PTPRN2: variants seen among roughly 807,000 people sequenced by gnomAD.
The protein encoded by PTPRN2 is protein tyrosine phosphatase receptor type N2.
Under a neutral mutation model 118.8 loss-of-function variants are expected in PTPRN2, and 74 were observed. The observed-to-expected ratio is 0.62, with a 90% CI of 0.52 to 0.76. PTPRN2 has a LOEUF of 0.76. Ranked by LOEUF, PTPRN2 falls within the 30% of genes least tolerant of loss-of-function variation. The pLI, the probability that PTPRN2 is intolerant of heterozygous loss-of-function variation, is 0.00. For missense variants in PTPRN2, 1,481 were observed against 1,394.4 expected (o/e 1.06, Z -0.99); for synonymous variants, 641 against 608.0 (o/e 1.05, Z -0.80).
At chr7:157,570,190 A>T (rs1019428842) in intron 20 of PTPRN2, among the ~76,000 whole-genome samples, 2 of 152,268 alleles carry the variant, frequency 1.3e-5, no homozygotes, top group African/African-American at 4.8e-5. Context: ...GCTCATTTCA[A>T]AGGGCCACGG....
At position 157,815,335 on chromosome 7, in the gene PTPRN2, G is replaced by C. The variant is rs558350533; in HGVS notation, c.1788+83338C>G. 2.0e-4 allele frequency among the ~76,000 whole-genome samples: 31 copies of C among 152,250 alleles called. 2 individuals carry two copies. Among genetic ancestry groups the C allele is most frequent in the African/African-American group, 2.4e-5 (1 of 41,468 alleles). ...CTCCCATGGCCGTGGCCTCTTCCTC[G>C]GTCCTTTGCCCTCCAGGGTGCCAGG... is the stretch of plus-strand genomic sequence containing the variant. On this transcript the variant is annotated intron_variant, in intron 12 of 22. Transcript: ENST00000389418.
chr7:157,621,176 C>G (rs554002403), intron 15 of PTPRN2, among the ~76,000 whole-genome samples, 186 bp downstream of exon 15: 1 of 145,712 alleles, frequency 6.9e-6, no homozygotes, highest in Non-Finnish European at 1.5e-5. Context: ...CAGGTCAGCA[C>G]GGCTAGTTTC....
chr7:157,640,826 T>G (rs1412948581), intron 14 of PTPRN2, among the ~76,000 whole-genome samples: 1 of 152,232 alleles, frequency 6.6e-6, no homozygotes, highest in Non-Finnish European at 1.5e-5. Context: ...TAATCTGTTA[T>G]GCAAGTGTGA....
intron 2 of PTPRN2, among the ~76,000 whole-genome samples, chr7:158,407,764 G>C (rs1037355421): frequency 6.6e-6 from 1 of 152,168 alleles, no homozygotes; most frequent in South Asian, 2.1e-4. Context: ...AGCAGAGCCC[G>C]GCTGCAGCCC....
intron 10 of PTPRN2, among the ~76,000 whole-genome samples, chr7:158,082,882 G>A (rs1326725392): frequency 6.6e-6 from 1 of 152,184 alleles, no homozygotes; most frequent in Non-Finnish European, 1.5e-5. Flanking sequence ...GCAGGAGCTG[G>A]TGTCTTCTCG....
rs924894509 is a variant in PTPRN2 at position 157,813,037 on chromosome 7, G to A, written c.1788+85636C>T. 2.6e-5 allele frequency among the ~76,000 whole-genome samples: 4 copies of A among 152,124 alleles called. No individual in the cohort carries two copies. The highest frequency in any genetic ancestry group is 4.4e-5 in the Non-Finnish European group (3 of 68,038). On this transcript the variant is annotated intron_variant, in intron 12 of 22. Transcript: ENST00000389418. The surrounding 1 kb of genome is among the most constrained non-coding windows in gnomAD (Gnocchi z 4.7). ...AGCTTCTGTTAAAAAGAGATGACTC[G>A]GTGACAAACAGGAGGACGGTGCTCA...
At chr7:158,273,993 C>T (rs1170908674) in intron 3 of PTPRN2, among the ~76,000 whole-genome samples, 2 of 127,898 alleles carry the variant, frequency 1.6e-5, no homozygotes, top group African/African-American at 6.7e-5. Flanking sequence ...CACAGGGAGC[C>T]GCAGACACAG....
At chr7:158,398,663 T>G (rs747958487) in intron 2 of PTPRN2, among the ~76,000 whole-genome samples, 4 of 152,222 alleles carry the variant, frequency 2.6e-5, no homozygotes, top group Non-Finnish European at 4.4e-5. Flanking sequence ...CACCCGCATT[T>G]CTACTCCCCA....
intron 13 of PTPRN2, among the ~76,000 whole-genome samples, chr7:157,658,690 C>A (rs150419066): frequency 5.3e-4 from 81 of 152,352 alleles, no homozygotes; most frequent in African/African-American, 1.8e-3. Context: ...AGTGTTCTAA[C>A]CACTGTGTTA....
rs1440049146 is a variant in PTPRN2, at chr7:158,546,005, A to G, written c.112+41553T>C. Among the ~76,000 whole-genome samples the G allele has an allele frequency of 6.6e-6, 1 of 152,226 alleles. No individual in the cohort carries two copies. The highest frequency in any genetic ancestry group is 1.5e-5 in the Non-Finnish European group (1 of 68,048). On this transcript the variant is annotated intron_variant, in intron 1 of 22. Transcript: ENST00000389418. This position sits in a 1 kb window ranked among gnomAD's most constrained non-coding sequence, Gnocchi z 5.0. ...CTCAAAAAAAAGAAAGAAAGAAAGA[A>G]AAATTCAAATCTTAATTACAGGACT...
At chr7:158,165,318 G>A (rs996492160) in intron 6 of PTPRN2, among the ~76,000 whole-genome samples, 4 of 152,220 alleles carry the variant, frequency 2.6e-5, no homozygotes, top group African/African-American at 9.6e-5. Flanking sequence ...AGAGGGAGAG[G>A]TGCTGGAGGG....
At chr7:157,595,950 C>T (rs1023827826) in intron 16 of PTPRN2, among the ~76,000 whole-genome samples, 8 of 152,238 alleles carry the variant, frequency 5.3e-5, no homozygotes, top group African/African-American at 1.9e-4. Flanking sequence ...TTAGCCCACT[C>T]AGCAGGTGCG....
At chr7:157,773,462 C>G (rs1803007535) in intron 12 of PTPRN2, among the ~76,000 whole-genome samples, 1 of 152,264 alleles carries the variant, frequency 6.6e-6, no homozygotes. Context: ...CCACCTGCCT[C>G]TTCCCAGCAC....
chr7:158,392,246 G>A (rs1355101687), intron 2 of PTPRN2, among the ~76,000 whole-genome samples: 1 of 152,156 alleles, frequency 6.6e-6, no homozygotes, highest in Non-Finnish European at 1.5e-5. Context: ...GAGGAGGAGA[G>A]GGGCTGGGTC....
chr7:157,639,416 C>G (rs538047864), intron 14 of PTPRN2, among the ~76,000 whole-genome samples: 1 of 152,312 alleles, frequency 6.6e-6, no homozygotes, highest in South Asian at 2.1e-4. Context: ...ACAGTGCGGC[C>G]TCTGCACTGT....
chr7:157,710,202 C>A (rs556091701), intron 12 of PTPRN2, among the ~76,000 whole-genome samples: 1 of 152,312 alleles, frequency 6.6e-6, no homozygotes, highest in African/African-American at 2.4e-5. Flanking sequence ...CTCCCTCCTG[C>A]GTCCATTCGA....
intron 2 of PTPRN2, among the ~76,000 whole-genome samples, chr7:158,333,881 TCACCATAAGAGCTGACACCC>T (rs1166683433): frequency 2.2e-5 from 3 of 138,476 alleles, no homozygotes; most frequent in African/African-American, 8.3e-5. Flanking sequence ...ACCCACACTC[TCACCATAAGAGCTGACACCC>T]GCAGACGTCA....
chr7:157,952,543 G>A (rs1381148514), intron 11 of PTPRN2, among the ~76,000 whole-genome samples: 4 of 152,096 alleles, frequency 2.6e-5, no homozygotes, highest in Non-Finnish European at 5.9e-5. Flanking sequence ...GTGATAGGCT[G>A]GCTCCCTGAG....
At chr7:158,260,438 C>T (rs1164855596) in intron 3 of PTPRN2, among the ~76,000 whole-genome samples, 2 of 152,140 alleles carry the variant, frequency 1.3e-5, no homozygotes, top group African/African-American at 4.8e-5. Context: ...GTAATGCATG[C>T]ATTCATAAAT....
Sources: gnomAD v4.1 joint callset for allele counts (sites outside exome capture counted in the v4.1 genomes callset) on GRCh38, gnomAD v4.1.1 for gene constraint, Gnocchi (gnomAD v3.1) non-coding constraint, MANE v1.5 for transcripts, NCBI Gene and HGNC (gene_info 2026-07-23, HGNC 2026-07-21) for gene names.